SMCO2: variants seen among roughly 807,000 people sequenced by gnomAD.
The protein encoded by SMCO2 is single-pass membrane and coiled-coil domain-containing protein 2.
A neutral mutation model predicts 29.5 loss-of-function variants in SMCO2; 25 were observed. The ratio of observed to expected loss-of-function variants is 0.85; its 90% CI spans 0.62 to 1.18. SMCO2 has a LOEUF of 1.18. Ranked by LOEUF, SMCO2 falls within the 50% of genes most tolerant of loss-of-function variation. The pLI is 0.00. For synonymous variants in SMCO2, 117 were observed against 123.3 expected (o/e 0.95, Z 0.34); for missense variants, 348 against 344.5 (o/e 1.01, Z -0.08).
At chr12:27,428,527 G>A in the SMCO2 span, among the ~76,000 whole-genome samples, 1 of 150,198 alleles carries the variant, frequency 6.7e-6, no homozygotes, top group Non-Finnish European at 1.5e-5. Context: ...AGAAAGCTGT[G>A]TCACACCTTT....
the SMCO2 span, among the ~76,000 whole-genome samples, chr12:27,431,338 C>G: frequency 6.6e-6 from 1 of 152,172 alleles, no homozygotes; most frequent in Admixed American, 6.6e-5. Context: ...TACTGAACCA[C>G]ACATTTAGTG....
chr12:27,447,349 C>T, the SMCO2 span, among the ~76,000 whole-genome samples: 1 of 152,158 alleles, frequency 6.6e-6, no homozygotes, highest in African/African-American at 2.4e-5. Context: ...ACTGGGGAAG[C>T]TGTCACCACC....
chr12:27,472,940 C>G (rs1949553607), intron 3 of SMCO2, 65 bp downstream of exon 3: 4 of 1,170,942 alleles, frequency 3.4e-6, no homozygotes, highest in Admixed American at 4.1e-5. Context: ...AGAAGAACTT[C>G]ACGCCGCATA....
Position 27,495,800 on chromosome 12 carries a change from C to G in SMCO2, c.628C>G (p.Pro210Ala), listed in dbSNP as rs1307808541. 3.3e-6 allele frequency: 5 copies of G among 1,537,194 alleles called. No homozygotes were observed. In the Admixed American group the frequency reaches 9.9e-5, roughly 30 times the overall value. ...TACGGAAGAGATGGAGGCCCTGCTTCCTCAGGCCCCAGCATCCTTTTTAGT... is the reference window on the plus strand; with the variant it reads ...TACGGAAGAGATGGAGGCCCTGCTTGCTCAGGCCCCAGCATCCTTTTTAGT... Residue 210 changes from proline (P) to alanine (A), a missense_variant, in exon 7 of 8, where the codon CCT becomes GCT. Transcript: ENST00000298876.
chr12:27,474,086 C>T (rs950944677), intron 3 of SMCO2, among the ~76,000 whole-genome samples: 8 of 152,180 alleles, frequency 5.3e-5, no homozygotes, highest in African/African-American at 1.9e-4. Context: ...CATATTCCTA[C>T]ACCTGTATTT....
intron 7 of SMCO2, chr12:27,498,382 T>C (rs967914528): frequency 6.7e-5 from 15 of 222,794 alleles, no homozygotes; most frequent in African/African-American, 4.8e-5. Flanking sequence ...AGATTTTAGA[T>C]GACTTACTTC....
At chr12:27,480,930 T>G (rs440144) in intron 4 of SMCO2, among the ~76,000 whole-genome samples, 1 of 152,054 alleles carries the variant, frequency 6.6e-6, no homozygotes, top group African/African-American at 2.4e-5. Flanking sequence ...ACTAACACAC[T>G]GTCAGTGGCA....
the SMCO2 span, among the ~76,000 whole-genome samples, chr12:27,434,769 C>A: frequency 6.6e-6 from 1 of 152,134 alleles, no homozygotes; most frequent in Non-Finnish European, 1.5e-5. Context: ...AAATAGAGGA[C>A]ATTTTAAGGG....
At chr12:27,432,283 A>G in the SMCO2 span, among the ~76,000 whole-genome samples, 1 of 151,818 alleles carries the variant, frequency 6.6e-6, no homozygotes, top group South Asian at 2.1e-4. Context: ...CTACTTGTCT[A>G]TTTTTGCTTT....
At chr12:27,443,926 C>T in the SMCO2 span, among the ~76,000 whole-genome samples, 1 of 152,092 alleles carries the variant, frequency 6.6e-6, no homozygotes, top group East Asian at 1.9e-4. Flanking sequence ...CAATGCAATC[C>T]CTATCAAAAT....
intron 4 of SMCO2, chr12:27,475,671 G>A (rs573595707): frequency 4.5e-6 from 7 of 1,548,584 alleles, no homozygotes; most frequent in African/African-American, 1.4e-5. Context: ...TACATAGACG[G>A]AACGGAGAAA....
chr12:27,483,251 G>A (rs1257130536), intron 4 of SMCO2, among the ~76,000 whole-genome samples: 2 of 152,054 alleles, frequency 1.3e-5, no homozygotes, highest in Non-Finnish European at 2.9e-5. Flanking sequence ...GAGGAGTGTT[G>A]AAATCTCCAA....
chr12:27,463,452 A>G (rs2135535390), upstream of SMCO2, among the ~76,000 whole-genome samples: 1 of 152,182 alleles, frequency 6.6e-6, no homozygotes, highest in Non-Finnish European at 1.5e-5. Flanking sequence ...TTTTTAGTAG[A>G]GACGGGGTTT....
At chr12:27,457,100 G>C in the SMCO2 span, among the ~76,000 whole-genome samples, 3 of 151,942 alleles carry the variant, frequency 2.0e-5, no homozygotes, top group Non-Finnish European at 4.4e-5. Flanking sequence ...TGCCAAAACG[G>C]TTGGGGACCA....
At chr12:27,476,600 G>T (rs932873990) in intron 4 of SMCO2, among the ~76,000 whole-genome samples, 1 of 151,818 alleles carries the variant, frequency 6.6e-6, no homozygotes. Context: ...TGATCCTTTT[G>T]TCATTATATA....
the SMCO2 span, among the ~76,000 whole-genome samples, chr12:27,429,155 C>G: frequency 3.7e-3 from 558 of 152,068 alleles, 4 homozygotes; most frequent in African/African-American, 0.012. Flanking sequence ...GACACTATTT[C>G]TTTGTAGTAA....
chr12:27,476,852 G>T (rs1009838453), intron 4 of SMCO2, among the ~76,000 whole-genome samples: 1 of 151,712 alleles, frequency 6.6e-6, no homozygotes, highest in Non-Finnish European at 1.5e-5. Flanking sequence ...TATATTCAAG[G>T]TTATTATTGA....
intron 5 of SMCO2, among the ~76,000 whole-genome samples, chr12:27,492,687 T>C (rs1269156062): frequency 6.6e-6 from 1 of 152,122 alleles, no homozygotes; most frequent in Non-Finnish European, 1.5e-5. Context: ...AAATAACAGA[T>C]GTTGGCCAGG....
At chr12:27,488,906 G>GT in intron 5 of SMCO2, among the ~76,000 whole-genome samples, 1 of 152,152 alleles carries the variant, frequency 6.6e-6, no homozygotes, top group Non-Finnish European at 1.5e-5. Flanking sequence ...CATCCTTAGA[G>GT]TGCAAGGGAT....
Sources: allele counts gnomAD v4.1 joint callset (sites outside exome capture counted in the v4.1 genomes callset), GRCh38; gene constraint gnomAD v4.1.1; transcripts MANE v1.5; gene names NCBI Gene and HGNC (gene_info 2026-07-23, HGNC 2026-07-21).